NUDT8: variants seen among roughly 807,000 people sequenced by gnomAD.
The protein encoded by NUDT8 is nudix hydrolase 8, also known as mitochondrial coenzyme A diphosphatase NUDT8.
NUDT8 carries 14 observed loss-of-function variants against 12.5 expected under a neutral mutation model. The observed-to-expected ratio is 1.12, with a 90% CI of 0.74 to 1.75. The LOEUF (loss-of-function observed/expected upper bound fraction) is 1.75. Among genes scored for constraint, NUDT8 ranks in the 40% most tolerant of loss-of-function variants. The probability of loss-of-function intolerance (pLI) is 0.00; values close to 1 mark genes in which losing one functional copy is unlikely to be tolerated. For missense variants in NUDT8, 337 were observed against 318.5 expected (o/e 1.06, Z -0.44); for synonymous variants, 163 against 156.2 (o/e 1.04, Z -0.33).
chr11:67,628,189 G>C lies in NUDT8; in HGVS notation c.468C>G (p.Thr156=). ...HLLQTQNQGY[T]HFCRGGHFRY... is the part of the protein sequence containing the mutation. ...GGAAGTGGCCACCCCGGCAGAAGTG[G>C]GTATAGCCCTGATTCTGCGTCTGCA... is the stretch of plus-strand genomic sequence containing the variant. Residue 156 remains threonine, a synonymous_variant, in exon 4 of 4, where the codon ACC becomes ACG. Transcript: ENST00000376693. 6.2e-7 allele frequency: 1 copy of C among 1,610,158 alleles called. No individual in the cohort carries two copies. The highest frequency in any genetic ancestry group is 1.1e-5 in the South Asian group (1 of 91,084).
Position 67,629,750 on chromosome 11 carries a change from G to C in NUDT8, c.162C>G (p.Ser54Arg). ...CGCCCTTGTGCCTCCCGGTCAGGCG[G>C]CTGGACCGCAGCGTGTACAGCAGCG... The part of the protein sequence containing the change: ...VPALLYTLRS[S>R]RLTGRHKGDV... Residue 54 changes from serine (S) to arginine (R), a missense_variant, in exon 1 of 4, where the codon AGC becomes AGG. Physicochemically the swap from Ser to Arg is moderately radical, Grantham distance 110. Transcript: ENST00000376693. The C allele has an allele frequency of 6.5e-7, 1 of 1,544,258 alleles. No individual in the cohort carries two copies.
chr11:67,629,239 G>C, intron 1 of NUDT8, 188 bp from the exon 2 acceptor site: 1 of 589,440 alleles, frequency 1.7e-6, no homozygotes. Context: ...ATGGGGATAA[G>C]GAAGAGAGGC....
In NUDT8 at chr11:67,628,794, G is replaced by A. The variant is rs1353367357; in HGVS notation, c.327+125C>T. 3 of 1,278,458 alleles carry A rather than the reference G, an allele frequency of 2.3e-6. No homozygotes were observed. The Admixed American group carries it at 6.8e-5, about 29-fold the overall frequency. The allele number at this position is 1,278,458 out of a possible 1,614,324, so 79.2% of individuals were successfully genotyped here. A position where few individuals can be genotyped will look rare whatever the true frequency, so the allele number is the denominator to read the frequency against. On this transcript the variant is annotated intron_variant, in intron 2 of 3. Transcript: ENST00000376693. ...TGGTGCATGTGACCAGGCAGGTTAG[G>A]GGCACCCTTCCACACTTTGTGCCCG...
Position 67,627,940 on chromosome 11 carries a change from G to C in NUDT8, c.*6C>G, listed in dbSNP as rs887049539. ...CAGTACAGCAGAAGCAAGAGCTCTA[G>C]AGCTGTCAAAGACCTTTATTCAGTC... On this transcript the variant is annotated 3_prime_UTR_variant, in exon 4 of 4. Transcript: ENST00000376693. 2 of 1,562,932 alleles carry C rather than the reference G, an allele frequency of 1.3e-6. No homozygotes were observed. The highest frequency in any genetic ancestry group is 2.7e-5 in the African/African-American group (2 of 74,196).
rs371911811 is a variant in NUDT8 at position 67,629,012 on chromosome 11, C to T, written c.234G>A (p.Val78=). Reference sequence around the variant, plus strand: ...GGGTTTCCCGCAGGGCCGTGTGCACCACATCTTGGTCAGCCGGGTCGCACT... The same window carrying T: ...GGGTTTCCCGCAGGGCCGTGTGCACTACATCTTGGTCAGCCGGGTCGCACT... ...GGKCDPADQD[V]VHTALRETRE... is the part of the protein sequence containing the mutation. The change falls in exon 2 of 4, where the codon GTG becomes GTA. Residue 78 remains valine, a synonymous_variant. Coordinates refer to ENST00000376693, the MANE Select transcript of NUDT8 (RefSeq NM_001243750.2). 1 of 1,612,972 alleles carries T rather than the reference C, an allele frequency of 6.2e-7. No homozygotes were observed. Among genetic ancestry groups the T allele is most frequent in the African/African-American group, 1.3e-5 (1 of 75,064 alleles).
intron 1 of NUDT8, chr11:67,629,510 A>G: frequency 2.5e-6 from 1 of 402,234 alleles, no homozygotes; most frequent in South Asian, 7.5e-5. Context: ...CGCGGCGAGG[A>G]CGTGGCGCCC....
chr11:67,629,757 C>G lies in NUDT8; in HGVS notation c.155G>C (p.Arg52Pro), dbSNP rs755869230. The G allele has an allele frequency of 6.5e-7, 1 of 1,544,432 alleles. No individual in the cohort carries two copies. Among genetic ancestry groups the G allele is most frequent in the East Asian group, 2.7e-5 (1 of 37,574 alleles). The change falls in exon 1 of 4, where the codon CGG becomes CCG. Residue 52 changes from arginine (R) to proline (P), a missense_variant. By Grantham distance (103) the Arg-to-Pro change is moderately radical. Coordinates refer to ENST00000376693, the MANE Select transcript of NUDT8 (RefSeq NM_001243750.2). ...RGVPALLYTL[R>P]SSRLTGRHKG... ...GTGCCTCCCGGTCAGGCGGCTGGACCGCAGCGTGTACAGCAGCGCCGGGAC... is the reference window on the plus strand; with the variant it reads ...GTGCCTCCCGGTCAGGCGGCTGGACGGCAGCGTGTACAGCAGCGCCGGGAC...
intron 1 of NUDT8, 121 bp downstream of exon 1, chr11:67,629,597 G>A: frequency 2.1e-6 from 1 of 485,210 alleles, no homozygotes; most frequent in East Asian, 3.7e-5. Flanking sequence ...ACTCTCCCCA[G>A]ACCCATTTTA....
chr11:67,629,927 G>A lies in NUDT8; in HGVS notation c.-16C>T, dbSNP rs1855186167. The stretch of plus-strand genomic sequence containing the variant: ...CGGGCAGCATGTCAAGTCCTGCGCG[G>A]CCGGGACACTGAGGGCGCGGGATCG... On this transcript the variant is annotated 5_prime_UTR_variant, in exon 1 of 4. Transcript: ENST00000376693. 2.5e-6 allele frequency: 3 copies of A among 1,223,036 alleles called. No homozygotes were observed. Among genetic ancestry groups the A allele is most frequent in the African/African-American group, 1.6e-5 (1 of 63,556 alleles). 75.8% of individuals were successfully genotyped at this position (1,223,036 alleles called of 1,614,324 possible). A position where few individuals can be genotyped will look rare whatever the true frequency, so the allele number is the denominator to read the frequency against.
intron 1 of NUDT8, 60 bp downstream of exon 1, chr11:67,629,658 C>T: frequency 1.8e-6 from 2 of 1,084,618 alleles, no homozygotes; most frequent in Non-Finnish European, 2.5e-6. Context: ...CCAGAGGTCC[C>T]TGCCAGCCCC....
intron 1 of NUDT8, 146 bp from the exon 2 acceptor site, chr11:67,629,197 G>A: frequency 1.3e-6 from 1 of 784,622 alleles, no homozygotes; most frequent in East Asian, 2.7e-5. Flanking sequence ...CAAGCCATGC[G>A]ACCTCTGGAG....
chr11:67,628,798 AC>A, intron 2 of NUDT8, 120 bp downstream of exon 2: 1 of 1,306,856 alleles, frequency 7.7e-7, no homozygotes, highest in South Asian at 1.4e-5. Flanking sequence ...GGTTAGGGGC[AC>A]CCTTCCACAC....
In NUDT8 at chr11:67,629,742, G is replaced by T; in HGVS notation, c.170C>A (p.Thr57Asn). 1 of 1,542,320 alleles carries T rather than the reference G, an allele frequency of 6.5e-7. No homozygotes were observed. ...LLYTLRSSRL[T>N]GRHKGDVSFP... ...CCTGACGTCGCCCTTGTGCCTCCCG[G>T]TCAGGCGGCTGGACCGCAGCGTGTA... Residue 57 changes from threonine to asparagine, a missense_variant, in exon 1 of 4, where the codon ACC becomes AAC. By Grantham distance (65) the Thr-to-Asn change is moderately conservative. Transcript: ENST00000376693.
rs1390284361 is a variant in NUDT8, at chr11:67,629,721, A to G, written c.191T>C (p.Val64Ala). ...SRLTGRHKGD[V>A]SFPGGKCDPA... Reference sequence around the variant, plus strand: ...GAGGAGTTCCCGGCCGCTGTACCTGACGTCGCCCTTGTGCCTCCCGGTCAG... The same window carrying G: ...GAGGAGTTCCCGGCCGCTGTACCTGGCGTCGCCCTTGTGCCTCCCGGTCAG... The change falls in exon 1 of 4, where the codon GTC becomes GCC. Residue 64 changes from valine (V) to alanine (A), a missense_variant. Coordinates refer to ENST00000376693, the MANE Select transcript of NUDT8 (RefSeq NM_001243750.2). 1 of 1,522,658 alleles carries G rather than the reference A, an allele frequency of 6.6e-7. No homozygotes were observed. Among genetic ancestry groups the G allele is most frequent in the Non-Finnish European group, 8.8e-7 (1 of 1,137,598 alleles). The allele number at this position is 1,522,658 out of a possible 1,614,324, so 94.3% of individuals were successfully genotyped here.
rs781591656 is a variant in NUDT8, at chr11:67,628,377, C to G, written c.351G>C (p.Val117=). 3 of 1,613,846 alleles carry G rather than the reference C, an allele frequency of 1.9e-6. No individual in the cohort carries two copies. Among genetic ancestry groups the G allele is most frequent in the South Asian group, 2.2e-5 (2 of 91,082 alleles). ...YDPQKATVVP[V]LAGVGPLDPQ... ...GATCCAGTGGGCCTACACCAGCAAG[C>G]ACTGGCACCACGGTGGCCTTTTGCT... Residue 117 remains valine (V), a synonymous_variant, in exon 3 of 4, where the codon GTG becomes GTC. Coordinates refer to ENST00000376693, the MANE Select transcript of NUDT8 (RefSeq NM_001243750.2).
At position 67,628,985 on chromosome 11, in the gene NUDT8, C is replaced by T. The variant is rs1473213871; in HGVS notation, c.261G>A (p.Arg87=). 2 of 1,613,054 alleles carry T rather than the reference C, an allele frequency of 1.2e-6. No homozygotes were observed. Among genetic ancestry groups the T allele is most frequent in the Admixed American group, 1.7e-5 (1 of 60,024 alleles). Residue 87 remains arginine, a synonymous_variant, in exon 2 of 4, where the codon CGG becomes CGA. Transcript: ENST00000376693. ...CGGGCACTGCCAGGCCCAGCTCCTCCCGGGTTTCCCGCAGGGCCGTGTGCA... is the reference window on the plus strand; with the variant it reads ...CGGGCACTGCCAGGCCCAGCTCCTCTCGGGTTTCCCGCAGGGCCGTGTGCA... ...DVVHTALRET[R]EELGLAVPEE...
In NUDT8 at chr11:67,628,271, A is replaced by G; in HGVS notation, c.406-20T>C. 6.2e-7 allele frequency: 1 copy of G among 1,613,344 alleles called. No individual in the cohort carries two copies. Among genetic ancestry groups the G allele is most frequent in the East Asian group, 2.2e-5 (1 of 44,868 alleles). On this transcript the variant is annotated intron_variant, in intron 3 of 3. Transcript: ENST00000376693. The stretch of plus-strand genomic sequence containing the variant: ...ATCTACCTGCAGGCAGGAGGCAGAG[A>G]GGGTAGACAGAGGACTGGAACAGCC...
rs554989801 is a variant in NUDT8, at chr11:67,628,987, G to C, written c.259C>G (p.Arg87Gly). 1.9e-6 allele frequency: 3 copies of C among 1,612,878 alleles called. No individual in the cohort carries two copies. The highest frequency in any genetic ancestry group is 2.2e-5 in the South Asian group (2 of 91,052). ...DVVHTALRET[R>G]EELGLAVPEE... ...GGCACTGCCAGGCCCAGCTCCTCCC[G>C]GGTTTCCCGCAGGGCCGTGTGCACC... is the stretch of plus-strand genomic sequence containing the variant. Residue 87 changes from arginine to glycine, a missense_variant, in exon 2 of 4, where the codon CGG becomes GGG. Transcript: ENST00000376693.
intron 2 of NUDT8, 57 bp downstream of exon 2, chr11:67,628,862 C>A: frequency 3.2e-6 from 5 of 1,555,090 alleles, no homozygotes; most frequent in Non-Finnish European, 4.4e-6. Flanking sequence ...TAGCCCAGCT[C>A]CAGGGCAGGC....
Sources: gnomAD v4.1 joint callset for allele counts on GRCh38, gnomAD v4.1.1 for gene constraint, MANE v1.5 for transcripts, NCBI Gene and HGNC (gene_info 2026-07-23, HGNC 2026-07-21) for gene names.